Variants in DTNB observed in about 807,000 individuals in gnomAD.
DTNB encodes the protein DTN-B.
A neutral mutation model predicts 90.7 loss-of-function variants in DTNB; 63 were observed. The ratio of observed to expected loss-of-function variants is 0.69; its 90% CI spans 0.57 to 0.86. The LOEUF (loss-of-function observed/expected upper bound fraction) is 0.86, where lower values mean the gene tolerates loss of function less well. Among genes scored for constraint, DTNB ranks in the 40% least tolerant of loss-of-function variants. The probability of loss-of-function intolerance (pLI) is 0.00; values close to 1 mark genes in which losing one functional copy is unlikely to be tolerated. For missense variants in DTNB, 744 were observed against 807.1 expected (o/e 0.92, Z 0.95); for synonymous variants, 277 against 286.7 (o/e 0.97, Z 0.34).
intron 9 of DTNB, among the ~76,000 whole-genome samples, chr2:25,509,083 T>G (rs1288953110): frequency 6.6e-6 from 1 of 152,230 alleles, no homozygotes; most frequent in Non-Finnish European, 1.5e-5. Flanking sequence ...ATTTTCTATG[T>G]ACACAATCAC....
At chr2:25,545,249 A>G (rs2082167597) in intron 8 of DTNB, among the ~76,000 whole-genome samples, 1 of 152,204 alleles carries the variant, frequency 6.6e-6, no homozygotes, top group Admixed American at 6.5e-5. Context: ...TAACAATGCC[A>G]CTATTCCCAA....
Position 25,511,872 on chromosome 2 carries a change from T to C in DTNB, c.1001+19601A>G, listed in dbSNP as rs769955294. 3.3e-4 allele frequency among the ~76,000 whole-genome samples: 51 copies of C among 152,280 alleles called. No individual in the cohort carries two copies. In the Middle Eastern group the frequency reaches 0.017, roughly 51 times the overall value. On this transcript the variant is annotated intron_variant, in intron 9 of 20. Transcript: ENST00000406818. ...GAGTGAAAAATAACAGCTGGATTTATATAGAATTAAACATGAGGTGGTCAC... is the reference window on the plus strand; with the variant it reads ...GAGTGAAAAATAACAGCTGGATTTACATAGAATTAAACATGAGGTGGTCAC...
chr2:25,544,119 G>C (rs959945330), intron 8 of DTNB, among the ~76,000 whole-genome samples: 2 of 152,202 alleles, frequency 1.3e-5, no homozygotes. Context: ...AGCCCAGCGT[G>C]GGGGATGTGG....
intron 1 of DTNB, among the ~76,000 whole-genome samples, chr2:25,668,884 C>T (rs1390460396): frequency 6.6e-6 from 1 of 152,102 alleles, no homozygotes; most frequent in Non-Finnish European, 1.5e-5. Context: ...ACCCAAATGT[C>T]CATCAATGAA....
At position 25,596,243 on chromosome 2, in the gene DTNB, A is replaced by T; in HGVS notation, c.449-3T>A. 3.7e-6 allele frequency: 6 copies of T among 1,603,642 alleles called. No individual in the cohort carries two copies. Among genetic ancestry groups the T allele is most frequent in the Non-Finnish European group, 5.1e-6 (6 of 1,175,862 alleles). ...ATCTGACATCTGGGAGAAAACATCT[A>T]TGAGAACAAAACCAAATAAAGTCAA... On this transcript the variant is annotated splice_region_variant and splice_polypyrimidine_tract_variant and intron_variant, in intron 5 of 20. Transcript: ENST00000406818.
intron 10 of DTNB, chr2:25,481,483 T>A (rs932703141): frequency 1.3e-5 from 2 of 150,440 alleles, no homozygotes; most frequent in African/African-American, 4.9e-5. Flanking sequence ...TCAGAAAGAG[T>A]CTGGCTCAAG....
At chr2:25,438,447 G>A (rs1024852607) in intron 12 of DTNB, among the ~76,000 whole-genome samples, 9 of 152,200 alleles carry the variant, frequency 5.9e-5, no homozygotes, top group Non-Finnish European at 1.2e-4. Context: ...AGACCATACA[G>A]GGCCTCTGAG....
At chr2:25,650,626 A>T (rs1302941731) in intron 2 of DTNB, among the ~76,000 whole-genome samples, 1 of 152,208 alleles carries the variant, frequency 6.6e-6, no homozygotes, top group Non-Finnish European at 1.5e-5. Context: ...CTTTCCCATT[A>T]AAGTGATGAG....
Position 25,545,852 on chromosome 2 carries a change from C to A in DTNB, c.877-14255G>T, listed in dbSNP as rs150868772. On this transcript the variant is annotated intron_variant, in intron 8 of 20. Coordinates refer to ENST00000406818, the MANE Select transcript of DTNB (RefSeq NM_021907.5). ...GGCCAGGCTGGTCTCAAACTACTGA[C>A]CCCAAGTGATGGGCCTGCCTTGGCC... is the stretch of plus-strand genomic sequence containing the variant. 1.1e-3 allele frequency among the ~76,000 whole-genome samples: 173 copies of A among 152,322 alleles called. 1 individual carries two copies. Among genetic ancestry groups the A allele is most frequent in the Admixed American group, 8.4e-3 (129 of 15,308 alleles).
At chr2:25,589,449 C>T (rs903629556) in intron 6 of DTNB, among the ~76,000 whole-genome samples, 15 of 127,426 alleles carry the variant, frequency 1.2e-4, no homozygotes, top group African/African-American at 3.0e-5. Context: ...GGTGCCATCT[C>T]GGCTCACTGC....
At position 25,380,704 on chromosome 2, in the gene DTNB, G is replaced by A. The variant is rs190408151; in HGVS notation, c.1880-1381C>T. On this transcript the variant is annotated intron_variant, in intron 19 of 20. Coordinates refer to ENST00000406818, the MANE Select transcript of DTNB (RefSeq NM_021907.5). ...CCCTGGGGCCTGGAGTGCCGGGAAA[G>A]GGAAACCCAGTCTGATGCGAACAGG... Among the ~76,000 whole-genome samples the A allele has an allele frequency of 1.5e-3, 234 of 152,352 alleles. 1 individual carries two copies. The highest frequency in any genetic ancestry group is 5.2e-3 in the African/African-American group (217 of 41,580).
chr2:25,379,552 A>G (rs2036960326), intron 19 of DTNB: 1 of 423,222 alleles, frequency 2.4e-6, no homozygotes, highest in Admixed American at 4.4e-5. Context: ...TTCTCAGGAG[A>G]AGGAAAGTCA....
chr2:25,539,802 A>T (rs1323369541), intron 8 of DTNB, among the ~76,000 whole-genome samples: 38 of 152,096 alleles, frequency 2.5e-4, no homozygotes, highest in Admixed American at 2.5e-3. Flanking sequence ...TCCTGAGGCC[A>T]TAAGGTATAC....
intron 16 of DTNB, among the ~76,000 whole-genome samples, chr2:25,413,562 A>G (rs2047145422): frequency 6.6e-6 from 1 of 152,106 alleles, no homozygotes; most frequent in African/African-American, 2.4e-5. Flanking sequence ...GACGGTTTCC[A>G]GCTTCATCCA....
chr2:25,654,855 C>T (rs550188181), intron 1 of DTNB, among the ~76,000 whole-genome samples: 25 of 152,284 alleles, frequency 1.6e-4, no homozygotes, highest in South Asian at 4.1e-4. Context: ...GTGATGATCA[C>T]GAGTACCTTC....
chr2:25,670,279 A>G (rs1423454624), intron 1 of DTNB, among the ~76,000 whole-genome samples: 2 of 152,240 alleles, frequency 1.3e-5, no homozygotes, highest in Admixed American at 6.5e-5. Flanking sequence ...CTATATATAC[A>G]TGAAAATACA....
At chr2:25,467,299 CTTT>C (rs11345885) in intron 10 of DTNB, among the ~76,000 whole-genome samples, 43 of 120,090 alleles carry the variant, frequency 3.6e-4, no homozygotes, top group Non-Finnish European at 3.8e-4. Flanking sequence ...TTCTTTCTTT[CTTT>C]TTTTTTTTTT....
At chr2:25,508,691 C>T (rs943916011) in intron 9 of DTNB, among the ~76,000 whole-genome samples, 2 of 151,988 alleles carry the variant, frequency 1.3e-5, no homozygotes, top group South Asian at 2.1e-4. Context: ...TGCACCACCA[C>T]GCCGGGCTAA....
chr2:25,590,220 T>C (rs888023980), intron 6 of DTNB, among the ~76,000 whole-genome samples: 1 of 152,190 alleles, frequency 6.6e-6, no homozygotes, highest in Non-Finnish European at 1.5e-5. Context: ...CCTTCTTTCT[T>C]CTTCTTGTTG....
Sources: gnomAD v4.1 joint callset for allele counts (sites outside exome capture counted in the v4.1 genomes callset) on GRCh38, gnomAD v4.1.1 for gene constraint, MANE v1.5 for transcripts, NCBI Gene and HGNC (gene_info 2026-07-23, HGNC 2026-07-21) for gene names.